Variants in IL15 observed in about 807,000 individuals in gnomAD.
IL15 encodes interleukin-15.
In IL15, 11 loss-of-function variants were observed where a neutral mutation model predicts 19.6. That is an observed-to-expected ratio of 0.56 (90% confidence interval 0.35 to 0.93). The LOEUF (loss-of-function observed/expected upper bound fraction) is 0.93, where lower values mean the gene tolerates loss of function less well. IL15 is among the 40% of genes least tolerant of loss of function. The pLI, the probability that IL15 is intolerant of heterozygous loss-of-function variation, is 0.01. For synonymous variants in IL15, 58 were observed against 59.6 expected, an observed-to-expected ratio of 0.97 and a Z score of 0.12; for missense variants, 197 against 186.5, an observed-to-expected ratio of 1.06 and a Z score of -0.33.
At chr4:141,715,288 C>T (rs1345540638) in intron 2 of IL15, 2 of 152,430 alleles carry the variant, frequency 1.3e-5, no homozygotes, top group African/African-American at 4.8e-5. Flanking sequence ...CTACTCTTGC[C>T]CTTGCTCATT....
intron 2 of IL15, among the ~76,000 whole-genome samples, chr4:141,709,861 G>A (rs1172169930): frequency 6.6e-6 from 1 of 151,980 alleles, no homozygotes; most frequent in African/African-American, 2.4e-5. Context: ...TATGAATGAT[G>A]CCATCACCCA....
chr4:141,646,107 A>G (rs1578985427), intron 1 of IL15, among the ~76,000 whole-genome samples: 1 of 152,170 alleles, frequency 6.6e-6, no homozygotes, highest in East Asian at 1.9e-4. Flanking sequence ...ATGCATGTTC[A>G]TGGGGGGAAG....
intron 5 of IL15, among the ~76,000 whole-genome samples, chr4:141,724,454 A>G (rs1383159574): frequency 3.3e-5 from 5 of 152,084 alleles, no homozygotes; most frequent in African/African-American, 9.7e-5. Flanking sequence ...CAGAACAAAG[A>G]AAATATTTAA....
chr4:141,714,885 A>G (rs1729823748), intron 2 of IL15: 2 of 152,138 alleles, frequency 1.3e-5, no homozygotes, highest in Admixed American at 1.3e-4. Context: ...GATGAGTTGC[A>G]TATCTATTTC....
chr4:141,709,927 C>A (rs1431846092), intron 2 of IL15, among the ~76,000 whole-genome samples: 1 of 152,062 alleles, frequency 6.6e-6, no homozygotes, highest in African/African-American at 2.4e-5. Flanking sequence ...TCCTCCCACC[C>A]TCCCCCCACA....
intron 2 of IL15, among the ~76,000 whole-genome samples, chr4:141,684,837 A>G (rs542352269): frequency 2.5e-4 from 38 of 152,314 alleles, no homozygotes; most frequent in Admixed American, 1.6e-3. Context: ...TGCTGTCCTC[A>G]CCTAAACATG....
chr4:141,666,688 C>T (rs1727997910), intron 2 of IL15, among the ~76,000 whole-genome samples: 1 of 151,912 alleles, frequency 6.6e-6, no homozygotes, highest in East Asian at 1.9e-4. Flanking sequence ...TCCTTTTTCT[C>T]CCCAAGGAAG....
At chr4:141,697,843 G>C (rs1016886770) in intron 2 of IL15, among the ~76,000 whole-genome samples, 1 of 151,678 alleles carries the variant, frequency 6.6e-6, no homozygotes, top group Non-Finnish European at 1.5e-5. Context: ...TCTCTTGTCT[G>C]ATTGCTCTGG....
intron 2 of IL15, among the ~76,000 whole-genome samples, chr4:141,663,784 G>A (rs781160669): frequency 2.0e-5 from 3 of 152,150 alleles, no homozygotes; most frequent in Non-Finnish European, 2.9e-5. Flanking sequence ...AGGGGTTCTG[G>A]CTCCTATGAC....
At chr4:141,642,589 G>A (rs1042656114) in intron 1 of IL15, among the ~76,000 whole-genome samples, 2 of 152,170 alleles carry the variant, frequency 1.3e-5, no homozygotes, top group Admixed American at 1.3e-4. Context: ...TGCGAAATAA[G>A]CTCTAGTAGG....
In IL15 at chr4:141,638,123, C is replaced by T. The variant is rs181200526; in HGVS notation, c.-222+1375C>T. On this transcript the variant is annotated intron_variant, in intron 1 of 7. Coordinates refer to ENST00000320650, the MANE Select transcript of IL15 (RefSeq NM_000585.5). ...ATAATACAGGTTAAATTTTTAAACTCCTGTTGTTTTCGTGTGAAGTAATGT... is the reference window on the plus strand; with the variant it reads ...ATAATACAGGTTAAATTTTTAAACTTCTGTTGTTTTCGTGTGAAGTAATGT... 1.8e-3 allele frequency among the ~76,000 whole-genome samples: 269 copies of T among 152,156 alleles called. 2 individuals are homozygous for T. The highest frequency in any genetic ancestry group is 1.8e-3 in the Non-Finnish European group (124 of 68,002).
intron 1 of IL15, among the ~76,000 whole-genome samples, chr4:141,649,127 A>G (rs375910742): frequency 6.6e-6 from 1 of 152,160 alleles, no homozygotes; most frequent in African/African-American, 2.4e-5. Flanking sequence ...ATTGGAATGC[A>G]CTACTTCATC....
At chr4:141,649,072 C>A (rs1033730191) in intron 1 of IL15, among the ~76,000 whole-genome samples, 1 of 152,074 alleles carries the variant, frequency 6.6e-6, no homozygotes, top group African/African-American at 2.4e-5. Flanking sequence ...CCCCTAAACA[C>A]AACACACTTC....
chr4:141,701,520 G>A (rs72712425), intron 2 of IL15, among the ~76,000 whole-genome samples: 17,534 of 152,098 alleles, frequency 0.12, 1,107 homozygotes, highest in Non-Finnish European at 0.15. Context: ...CTTGAAGTTT[G>A]TCTCATTCTC....
chr4:141,676,648 A>G (rs937243866), intron 2 of IL15, among the ~76,000 whole-genome samples: 1 of 152,230 alleles, frequency 6.6e-6, no homozygotes, highest in Non-Finnish European at 1.5e-5. Context: ...TGAACAAGCC[A>G]TGAAGGCCAT....
intron 1 of IL15, among the ~76,000 whole-genome samples, chr4:141,638,152 C>G (rs185806329): frequency 6.6e-5 from 10 of 151,878 alleles, no homozygotes; most frequent in Admixed American, 6.5e-4. Flanking sequence ...GTAATGTGGC[C>G]AACAGAGCAA....
intron 2 of IL15, among the ~76,000 whole-genome samples, chr4:141,699,413 G>A (rs574189499): frequency 3.3e-5 from 5 of 152,168 alleles, no homozygotes; most frequent in South Asian, 2.1e-4. Context: ...TCGACCTAGC[G>A]CTGTCAGAGG....
At chr4:141,688,036 T>C (rs1167623086) in intron 2 of IL15, among the ~76,000 whole-genome samples, 1 of 152,206 alleles carries the variant, frequency 6.6e-6, no homozygotes, top group Non-Finnish European at 1.5e-5. Flanking sequence ...AAGTTCTTTT[T>C]GTGCAAGATC....
chr4:141,732,096 A>G (rs1176168294), intron 7 of IL15, among the ~76,000 whole-genome samples: 1 of 152,178 alleles, frequency 6.6e-6, no homozygotes, highest in East Asian at 1.9e-4. Context: ...CATAATATGA[A>G]TAGAATACAT....
Sources: allele counts gnomAD v4.1 joint callset (sites outside exome capture counted in the v4.1 genomes callset), GRCh38; gene constraint gnomAD v4.1.1; transcripts MANE v1.5; gene names NCBI Gene and HGNC (gene_info 2026-07-23, HGNC 2026-07-21).